Variants in DCDC2C observed in about 807,000 individuals in gnomAD.
The protein encoded by DCDC2C is doublecortin domain-containing protein 2C.
Under a neutral mutation model 45.0 loss-of-function variants are expected in DCDC2C, and 44 were observed. The ratio of observed to expected loss-of-function variants is 0.98; its 90% CI spans 0.77 to 1.26. DCDC2C has a LOEUF of 1.26. Ranked by LOEUF, DCDC2C falls within the 50% of genes most tolerant of loss-of-function variation. DCDC2C has a pLI of 0.00. For missense variants in DCDC2C, 447 were observed against 468.9 expected (o/e 0.95, Z 0.43); for synonymous variants, 187 against 178.8 (o/e 1.05, Z -0.37).
At chr2:3,717,973 C>T (rs1668391249) in intron 2 of DCDC2C, among the ~76,000 whole-genome samples, 1 of 152,196 alleles carries the variant, frequency 6.6e-6, no homozygotes, top group Admixed American at 6.5e-5. Flanking sequence ...TCAGATGTTC[C>T]TCTCCCATGC....
At chr2:3,819,167 C>T (rs894330463) in intron 10 of DCDC2C, among the ~76,000 whole-genome samples, 6 of 152,222 alleles carry the variant, frequency 3.9e-5, no homozygotes, top group African/African-American at 1.4e-4. Flanking sequence ...CATCAGTCTT[C>T]AGCTGCTAAG....
At chr2:3,811,913 C>A (rs1232769937) in intron 10 of DCDC2C, among the ~76,000 whole-genome samples, 1 of 152,226 alleles carries the variant, frequency 6.6e-6, no homozygotes, top group African/African-American at 2.4e-5. Flanking sequence ...ACCAGCCTTG[C>A]ATCGCAGGGA....
At chr2:3,816,223 A>G (rs536463429) in intron 10 of DCDC2C, among the ~76,000 whole-genome samples, 1 of 152,354 alleles carries the variant, frequency 6.6e-6, no homozygotes, top group East Asian at 1.9e-4. Context: ...AATGGAAGAC[A>G]CAAAGTCCGA....
chr2:3,761,401 G>C lies in DCDC2C; in HGVS notation c.727-6353G>C, dbSNP rs1200458670. On this transcript the variant is annotated intron_variant, in intron 6 of 10. Transcript: ENST00000399143. This position sits in a 1 kb window ranked among gnomAD's most constrained non-coding sequence, Gnocchi z 4.3. ...CGTGTGTGTGTGCGTGTGTGTGTGC[G>C]TGAAAACAGTTGCAGAGGCATGTGC... Among the ~76,000 whole-genome samples the C allele has an allele frequency of 6.6e-6, 1 of 152,178 alleles. No individual in the cohort carries two copies. Among genetic ancestry groups the C allele is most frequent in the Admixed American group, 6.5e-5 (1 of 15,278 alleles).
intron 10 of DCDC2C, among the ~76,000 whole-genome samples, chr2:3,801,644 G>A (rs1434106777): frequency 1.3e-5 from 2 of 152,254 alleles, no homozygotes; most frequent in Non-Finnish European, 1.5e-5. Context: ...GTCTTGGCCT[G>A]GGTGGCCCCT....
intron 10 of DCDC2C, among the ~76,000 whole-genome samples, chr2:3,837,751 A>G (rs1672116656): frequency 6.6e-6 from 1 of 151,956 alleles, no homozygotes; most frequent in Admixed American, 6.6e-5. Context: ...TTGAGTATCA[A>G]GAGAGGCGAT....
intron 10 of DCDC2C, among the ~76,000 whole-genome samples, chr2:3,813,062 TATATA>T (rs1186034168): frequency 0.051 from 1,946 of 38,526 alleles, 49 homozygotes; most frequent in Middle Eastern, 0.11. Flanking sequence ...TATATATATA[TATATA>T]TTTTTTTTTT....
At chr2:3,782,551 T>G (rs1439323309) in intron 9 of DCDC2C, among the ~76,000 whole-genome samples, 2 of 151,810 alleles carry the variant, frequency 1.3e-5, no homozygotes, top group Non-Finnish European at 1.5e-5. Flanking sequence ...CTATCTCGGC[T>G]CACTGCAAGC....
In DCDC2C at chr2:3,739,920, G is replaced by A. The variant is rs530619972; in HGVS notation, c.417-2000G>A. Among the ~76,000 whole-genome samples the A allele has an allele frequency of 3.9e-4, 60 of 152,304 alleles. No homozygotes were observed. The South Asian group carries it at 0.011, about 27-fold the overall frequency. ...CCCTAGATACTGCCATGGGGTCGGA[G>A]CCCCACAGCCTGCCCGTCTGTATGT... On this transcript the variant is annotated intron_variant, in intron 3 of 10. Coordinates refer to ENST00000399143, the MANE Select transcript of DCDC2C (RefSeq NM_001287444.2).
chr2:3,755,834 A>G (rs1558211540), intron 6 of DCDC2C, among the ~76,000 whole-genome samples: 1 of 151,648 alleles, frequency 6.6e-6, no homozygotes, highest in African/African-American at 2.4e-5. Context: ...ATGAGTACAT[A>G]TGTGTATGTA....
intron 1 of DCDC2C, among the ~76,000 whole-genome samples, chr2:3,705,618 G>T (rs1572544537): frequency 6.6e-6 from 1 of 152,192 alleles, no homozygotes; most frequent in Non-Finnish European, 1.5e-5. Context: ...GGAAGGAAAC[G>T]TATCAAGCAC....
chr2:3,781,877 A>G (rs1484055539), intron 9 of DCDC2C, among the ~76,000 whole-genome samples: 2 of 152,218 alleles, frequency 1.3e-5, no homozygotes, highest in African/African-American at 4.8e-5. Flanking sequence ...AAGAAAAACA[A>G]CAACAATTAC....
intron 10 of DCDC2C, among the ~76,000 whole-genome samples, chr2:3,813,708 C>A: frequency 7.2e-6 from 1 of 138,568 alleles, no homozygotes; most frequent in African/African-American, 2.7e-5. Flanking sequence ...TCTGTTTTAT[C>A]AGAGACTAGG....
chr2:3,723,625 C>A (rs1451446464), intron 2 of DCDC2C, among the ~76,000 whole-genome samples: 1 of 152,128 alleles, frequency 6.6e-6, no homozygotes, highest in Non-Finnish European at 1.5e-5. Context: ...GGACATCACA[C>A]TGCCTTCTGA....
intron 10 of DCDC2C, among the ~76,000 whole-genome samples, chr2:3,835,622 A>G (rs1672058004): frequency 6.6e-6 from 1 of 152,226 alleles, no homozygotes; most frequent in Non-Finnish European, 1.5e-5. Flanking sequence ...AGTAACAGTG[A>G]ACTAGATGTC....
chr2:3,710,575 C>T (rs951882752), intron 2 of DCDC2C, among the ~76,000 whole-genome samples: 4 of 152,156 alleles, frequency 2.6e-5, no homozygotes, highest in African/African-American at 9.7e-5. Context: ...TTCGGTCACC[C>T]AGGCAGTGAG....
intron 6 of DCDC2C, among the ~76,000 whole-genome samples, chr2:3,758,984 G>A (rs1461660730): frequency 6.6e-6 from 1 of 152,218 alleles, no homozygotes; most frequent in African/African-American, 2.4e-5. Flanking sequence ...CCTGAGAGGG[G>A]AGGGCTGTGT....
intron 10 of DCDC2C, among the ~76,000 whole-genome samples, chr2:3,793,131 C>T (rs1432539920): frequency 6.6e-6 from 1 of 152,022 alleles, no homozygotes; most frequent in African/African-American, 2.4e-5. Context: ...AAAAAGAGGT[C>T]CATAAATACA....
At chr2:3,715,576 T>TTCCATCCATCCATCCATCCA (rs59747438) in intron 2 of DCDC2C, among the ~76,000 whole-genome samples, 2,535 of 151,148 alleles carry the variant, frequency 0.017, 39 homozygotes, top group African/African-American at 0.039. Flanking sequence ...ATCCTAAACT[T>TTCCATCCATCCATCCATCCA]TCCATCCATC....
Sources: gnomAD v4.1 joint callset for allele counts (sites outside exome capture counted in the v4.1 genomes callset) on GRCh38, gnomAD v4.1.1 for gene constraint, Gnocchi (gnomAD v3.1) non-coding constraint, MANE v1.5 for transcripts, NCBI Gene and HGNC (gene_info 2026-07-23, HGNC 2026-07-21) for gene names.